The following GPC5 variants were observed in gnomAD, a reference collection of about 807,000 sequenced individuals.
GPC5 encodes the protein glypican 5.
A neutral mutation model predicts 53.9 loss-of-function variants in GPC5; 47 were observed. The ratio of observed to expected loss-of-function variants is 0.87; its 90% CI spans 0.69 to 1.11. GPC5 has a LOEUF of 1.11. Among genes scored for constraint, GPC5 ranks in the 50% most tolerant of loss-of-function variants. The pLI is 0.00. For synonymous variants in GPC5, 286 were observed against 263.3 expected (o/e 1.09, Z -0.84); for missense variants, 748 against 713.1 (o/e 1.05, Z -0.56).
chr13:92,412,685 AC>A (rs1264954706), intron 7 of GPC5, among the ~76,000 whole-genome samples: 2 of 152,176 alleles, frequency 1.3e-5, no homozygotes. Context: ...ACAGAGACAG[AC>A]CATATGGTCC....
chr13:91,588,604 T>C (rs540564801), intron 2 of GPC5, among the ~76,000 whole-genome samples: 63 of 152,240 alleles, frequency 4.1e-4, no homozygotes, highest in African/African-American at 1.5e-3. Flanking sequence ...TACCCTCAAA[T>C]TTAAATTGAT....
intron 6 of GPC5, among the ~76,000 whole-genome samples, chr13:91,928,416 T>G (rs1437885440): frequency 6.6e-6 from 1 of 152,180 alleles, no homozygotes; most frequent in Non-Finnish European, 1.5e-5. Flanking sequence ...GTTGTGAGTT[T>G]AACAGAGTGC....
intron 5 of GPC5, among the ~76,000 whole-genome samples, chr13:91,877,293 C>A (rs1014483853): frequency 2.0e-5 from 3 of 152,186 alleles, no homozygotes; most frequent in Admixed American, 6.5e-5. Context: ...GATCCACCGA[C>A]AGTTTGCACA....
chr13:92,603,463 A>G (rs1017897777), intron 7 of GPC5, among the ~76,000 whole-genome samples: 1 of 152,154 alleles, frequency 6.6e-6, no homozygotes, highest in Non-Finnish European at 1.5e-5. Flanking sequence ...CCTAGATTGT[A>G]TGATTTAGTA....
chr13:91,611,249 A>G (rs2033539257), intron 2 of GPC5, among the ~76,000 whole-genome samples: 1 of 152,228 alleles, frequency 6.6e-6, no homozygotes, highest in Admixed American at 6.5e-5. Flanking sequence ...TTGCCAAGCA[A>G]TTAGGAAACA....
At chr13:92,809,562 CATGTG>C (rs1438093928) in intron 7 of GPC5, among the ~76,000 whole-genome samples, 2 of 152,212 alleles carry the variant, frequency 1.3e-5, no homozygotes, top group African/African-American at 2.4e-5. Flanking sequence ...GGTACACCTG[CATGTG>C]CAGAGGCCAT....
At chr13:92,473,243 A>G (rs1172930293) in intron 7 of GPC5, among the ~76,000 whole-genome samples, 1 of 152,070 alleles carries the variant, frequency 6.6e-6, no homozygotes, top group African/African-American at 2.4e-5. Flanking sequence ...CCCAGTAGAG[A>G]TGATACAACT....
At chr13:91,863,133 G>T (rs2039048356) in intron 5 of GPC5, among the ~76,000 whole-genome samples, 1 of 146,386 alleles carries the variant, frequency 6.8e-6, no homozygotes, top group African/African-American at 2.5e-5. Flanking sequence ...TAGGTTTTCT[G>T]AGATTTCCTT....
chr13:91,984,569 G>T (rs765971143), intron 6 of GPC5, among the ~76,000 whole-genome samples: 1 of 152,202 alleles, frequency 6.6e-6, no homozygotes, highest in African/African-American at 2.4e-5. Context: ...TTGAGTCATC[G>T]TAGTTGTTTT....
chr13:91,880,157 A>G (rs1352229143), intron 5 of GPC5, among the ~76,000 whole-genome samples: 1 of 152,098 alleles, frequency 6.6e-6, no homozygotes, highest in South Asian at 2.1e-4. Context: ...AAATTGATAC[A>G]TGCAACCTAT....
At chr13:92,141,902 G>A (rs774364609) in intron 6 of GPC5, among the ~76,000 whole-genome samples, 6 of 152,124 alleles carry the variant, frequency 3.9e-5, no homozygotes, top group Non-Finnish European at 8.8e-5. Flanking sequence ...TAGTGGTACA[G>A]TTCCTTGCCA....
chr13:92,707,274 T>C (rs931772466), intron 7 of GPC5, among the ~76,000 whole-genome samples: 1 of 152,172 alleles, frequency 6.6e-6, no homozygotes, highest in African/African-American at 2.4e-5. Context: ...GTACATTCCA[T>C]TGACCAAAGC....
At chr13:91,469,168 G>A (rs1882441689) in intron 2 of GPC5, among the ~76,000 whole-genome samples, 1 of 151,550 alleles carries the variant, frequency 6.6e-6, no homozygotes, top group Admixed American at 6.6e-5. Context: ...GAGTGCAGTG[G>A]CATGATCTCG....
intron 7 of GPC5, among the ~76,000 whole-genome samples, chr13:92,450,035 C>T (rs936951089): frequency 1.3e-5 from 2 of 152,140 alleles, no homozygotes; most frequent in Non-Finnish European, 2.9e-5. Flanking sequence ...TGTCAAACTC[C>T]AAACAAAAGG....
At chr13:91,773,109 T>C (rs997350964) in intron 5 of GPC5, among the ~76,000 whole-genome samples, 1 of 152,144 alleles carries the variant, frequency 6.6e-6, no homozygotes, top group Non-Finnish European at 1.5e-5. Context: ...ACCTTCTACA[T>C]AATGAATTTT....
At chr13:91,469,014 A>G (rs1046973036) in intron 2 of GPC5, among the ~76,000 whole-genome samples, 1 of 151,072 alleles carries the variant, frequency 6.6e-6, no homozygotes, top group Non-Finnish European at 1.5e-5. Flanking sequence ...AGTAGCTGAG[A>G]CTACAGGCAT....
At chr13:92,385,588 C>T (rs1052034752) in intron 7 of GPC5, among the ~76,000 whole-genome samples, 3 of 128,596 alleles carry the variant, frequency 2.3e-5, no homozygotes, top group South Asian at 4.7e-4. Context: ...ATAATATATA[C>T]GCATATATAC....
At chr13:92,249,253 G>A (rs2042675423) in intron 7 of GPC5, among the ~76,000 whole-genome samples, 1 of 152,132 alleles carries the variant, frequency 6.6e-6, no homozygotes, top group Admixed American at 6.6e-5. Context: ...ATAGAAGGCT[G>A]CCTGATATGG....
chr13:92,762,231 A>T (rs1438189151), intron 7 of GPC5, among the ~76,000 whole-genome samples: 2 of 152,180 alleles, frequency 1.3e-5, no homozygotes, highest in Non-Finnish European at 2.9e-5. Flanking sequence ...AGTGATTAAG[A>T]AATACATAAT....
Sources: gnomAD v4.1 joint callset for allele counts (sites outside exome capture counted in the v4.1 genomes callset) on GRCh38, gnomAD v4.1.1 for gene constraint, MANE v1.5 for transcripts, NCBI Gene and HGNC (gene_info 2026-07-23, HGNC 2026-07-21) for gene names.